SP3: variants seen among roughly 807,000 people sequenced by gnomAD.
The protein encoded by SP3 is transcription factor Sp3.
A neutral mutation model predicts 70.3 loss-of-function variants in SP3; 10 were observed. That is an observed-to-expected ratio of 0.14 (90% CI 0.09 to 0.24). SP3 has a LOEUF of 0.24. Among genes scored for constraint, SP3 ranks in the 10% least tolerant of loss-of-function variants. The probability of loss-of-function intolerance (pLI) is 1.00; values close to 1 mark genes in which losing one functional copy is unlikely to be tolerated. For missense variants in SP3, 825 were observed against 914.6 expected (o/e 0.90, Z 1.26); for synonymous variants, 402 against 333.5 (o/e 1.21, Z -2.24).
At chr2:173,954,761 T>C (rs988608168) in intron 4 of SP3, 112 bp downstream of exon 4, 3 of 903,196 alleles carry the variant, frequency 3.3e-6, no homozygotes, top group African/African-American at 1.7e-5. Flanking sequence ...CATACAAACA[T>C]TGATCATTAA....
At chr2:173,921,951 C>G (rs765364268) in intron 4 of SP3, among the ~76,000 whole-genome samples, 10 of 152,222 alleles carry the variant, frequency 6.6e-5, no homozygotes, top group Non-Finnish European at 1.2e-4. Context: ...TGTGACGTGC[C>G]CATTCCCCAT....
chr2:173,950,039 AGACAACAAT>A (rs1473287811), intron 4 of SP3, among the ~76,000 whole-genome samples: 3 of 152,202 alleles, frequency 2.0e-5, no homozygotes, highest in Non-Finnish European at 1.5e-5. Flanking sequence ...AGTAAAAATG[AGACAACAAT>A]GAAGTTTCCT....
chr2:173,916,732 G>A (rs377049346), intron 5 of SP3: 2 of 152,016 alleles, frequency 1.3e-5, no homozygotes, highest in East Asian at 3.8e-4. Context: ...AGCCTTTCTA[G>A]CAGACAATTC....
chr2:173,939,550 G>A (rs1690299919), intron 4 of SP3, among the ~76,000 whole-genome samples: 1 of 152,046 alleles, frequency 6.6e-6, no homozygotes, highest in African/African-American at 2.4e-5. Flanking sequence ...GATCACCTGA[G>A]GTCAGGAGTT....
chr2:173,954,454 A>G (rs1690815424), intron 4 of SP3, among the ~76,000 whole-genome samples: 1 of 152,190 alleles, frequency 6.6e-6, no homozygotes, highest in African/African-American at 2.4e-5. Context: ...TGGCTGAGGC[A>G]TATTTACTCC....
chr2:173,915,469 C>A (rs569387370), intron 5 of SP3: 1 of 152,064 alleles, frequency 6.6e-6, no homozygotes, highest in Non-Finnish European at 1.5e-5. Context: ...ACCACTAATG[C>A]CTATAATATA....
At chr2:173,943,190 C>T (rs1441348311) in intron 4 of SP3, among the ~76,000 whole-genome samples, 1 of 152,180 alleles carries the variant, frequency 6.6e-6, no homozygotes. Flanking sequence ...CTATTTAAAA[C>T]CTGCCAATGT....
chr2:173,941,607 G>T (rs1421514482), intron 4 of SP3, among the ~76,000 whole-genome samples: 2 of 152,026 alleles, frequency 1.3e-5, no homozygotes, highest in East Asian at 3.9e-4. Context: ...CTAAAAAAAA[G>T]AAAAGAAAGG....
chr2:173,912,405 T>G (rs892921046), intron 6 of SP3, among the ~76,000 whole-genome samples: 1 of 152,230 alleles, frequency 6.6e-6, no homozygotes, highest in African/African-American at 2.4e-5. Flanking sequence ...CTCTAGGGAT[T>G]GTAAATACAT....
At chr2:173,953,779 C>CAAA (rs571748179) in intron 4 of SP3, among the ~76,000 whole-genome samples, 3 of 108,592 alleles carry the variant, frequency 2.8e-5, no homozygotes, top group African/African-American at 9.7e-5. Flanking sequence ...AAAAACAAAA[C>CAAA]AAAACAAAAA....
chr2:173,938,540 GTA>G (rs996790011), intron 4 of SP3, among the ~76,000 whole-genome samples: 1 of 143,226 alleles, frequency 7.0e-6, no homozygotes, highest in African/African-American at 2.6e-5. Context: ...CGTTTATTCT[GTA>G]TCTATTATTG....
chr2:173,904,873 A>C lies in SP3; in HGVS notation c.*5068T>G, dbSNP rs979714094. Among the ~76,000 whole-genome samples, 7 of 152,180 alleles carry C rather than the reference A, an allele frequency of 4.6e-5. No homozygotes were observed. Among genetic ancestry groups the C allele is most frequent in the Non-Finnish European group, 7.3e-5 (5 of 68,044 alleles). On this transcript the variant is annotated 3_prime_UTR_variant, in exon 7 of 7. Transcript: ENST00000310015. ...TTGTGGGGGAAGGATGGAGGGGAGAAATAACTGCATTTCTCTGATGGCCTT... is the reference window on the plus strand; with the variant it reads ...TTGTGGGGGAAGGATGGAGGGGAGACATAACTGCATTTCTCTGATGGCCTT...
At chr2:173,954,827 T>C (rs199872991) in intron 4 of SP3, 46 bp downstream of exon 4, 1 of 1,573,216 alleles carries the variant, frequency 6.4e-7, no homozygotes, top group Admixed American at 1.8e-5. Context: ...TCCCTCTATG[T>C]ATTATCACTG....
At chr2:173,927,276 CTTTTT>C (rs34409340) in intron 4 of SP3, among the ~76,000 whole-genome samples, 1 of 142,178 alleles carries the variant, frequency 7.0e-6, no homozygotes, top group Admixed American at 7.0e-5. Flanking sequence ...AACTATATAT[CTTTTT>C]TTTTTTTTTT....
intron 3 of SP3, among the ~76,000 whole-genome samples, chr2:173,958,247 G>A (rs1257206426): frequency 1.4e-5 from 2 of 145,188 alleles, no homozygotes; most frequent in African/African-American, 2.5e-5. Flanking sequence ...AAAAAACAAA[G>A]TCAAATTTAC....
rs200864489 is a variant in SP3 at position 173,918,785 on chromosome 2, T to C, written c.1640A>G (p.Asp547Gly). Reference sequence around the variant, plus strand: ...AGGTTCTTCTTCCTTGATCCTAATATCTAAAGGGAAAAAAAAACCAAATAC... The same window carrying C: ...AGGTTCTTCTTCCTTGATCCTAATACCTAAAGGGAAAAAAAAACCAAATAC... Reference protein sequence around the residue: ...HPGENADSPADIRIKEEEPDP... With the variant: ...HPGENADSPAGIRIKEEEPDP... Residue 547 changes from aspartate to glycine, a missense_variant and splice_region_variant, in exon 5 of 7, where the codon GAT (aspartate) becomes GGT (glycine). Coordinates refer to ENST00000310015, the MANE Select transcript of SP3 (RefSeq NM_003111.5). The C allele has an allele frequency of 7.2e-5, 115 of 1,596,650 alleles. No homozygotes were observed. The highest frequency in any genetic ancestry group is 7.8e-5 in the Non-Finnish European group (91 of 1,172,778).
rs1347310547 is a variant in SP3, at chr2:173,901,863, A to G, written c.*8078T>C. Among the ~76,000 whole-genome samples, 3 of 151,798 alleles carry G rather than the reference A, an allele frequency of 2.0e-5. No individual in the cohort carries two copies. The highest frequency in any genetic ancestry group is 7.3e-5 in the African/African-American group (3 of 41,312). ...ATTGCAGGCATGCGCCACCACCCCC[A>G]GCTAATTTTGTACTTTTCATCACCA... On this transcript the variant is annotated 3_prime_UTR_variant, in exon 7 of 7. Transcript: ENST00000310015.
chr2:173,918,055 A>G (rs1399939018), intron 5 of SP3, among the ~76,000 whole-genome samples: 2 of 151,642 alleles, frequency 1.3e-5, no homozygotes, highest in East Asian at 1.9e-4. Context: ...TAGTACATCC[A>G]TATTTAACAT....
In SP3 at chr2:173,956,168, G is replaced by A. The variant is rs547616867; in HGVS notation, c.344C>T (p.Thr115Ile). The A allele has an allele frequency of 5.6e-6, 9 of 1,614,066 alleles. No individual in the cohort carries two copies. In the South Asian group the frequency reaches 8.8e-5, roughly 16 times the overall value. ...APNRWEVLSA[T>I]PTTIKDEAGN... ...AGCTTCATCTTTTATAGTTGTAGGT[G>A]TGGCTGACAAAACCTCCCATCGGTT... is the stretch of plus-strand genomic sequence containing the variant. The change falls in exon 4 of 7, where the codon ACA becomes ATA. Residue 115 changes from threonine (T) to isoleucine (I), a missense_variant. Around this residue, in one of 4 missense-constraint regions of SP3, gnomAD observed 678 missense variants for 651.6 expected, o/e 1.04. Coordinates refer to ENST00000310015, the MANE Select transcript of SP3 (RefSeq NM_003111.5).
Sources: gnomAD v4.1 joint callset for allele counts (sites outside exome capture counted in the v4.1 genomes callset) on GRCh38, gnomAD v4.1.1 for gene constraint, gnomAD v4.1.1 regional missense constraint, MANE v1.5 for transcripts, NCBI Gene and HGNC (gene_info 2026-07-23, HGNC 2026-07-21) for gene names.